DNAH9: variants seen among roughly 807,000 people sequenced by gnomAD.
The protein encoded by DNAH9 is dynein axonemal heavy chain 9.
DNAH9 carries 345 observed loss-of-function variants against 471.6 expected under a neutral mutation model. The ratio of observed to expected loss-of-function variants is 0.73; its 90% CI spans 0.67 to 0.80. The LOEUF (loss-of-function observed/expected upper bound fraction) is 0.80. Ranked by LOEUF, DNAH9 falls within the 30% of genes least tolerant of loss-of-function variation. The pLI is 0.00. For synonymous variants in DNAH9, 2,093 were observed against 2,123.6 expected (o/e 0.99, Z 0.40); for missense variants, 5,407 against 5,609.2 (o/e 0.96, Z 1.15).
In DNAH9 at chr17:11,883,714, G is replaced by C; in HGVS notation, c.10935G>C (p.Glu3645Asp). The C allele has an allele frequency of 6.2e-7, 1 of 1,614,134 alleles. No individual in the cohort carries two copies. Among genetic ancestry groups the C allele is most frequent in the Non-Finnish European group, 8.5e-7 (1 of 1,180,012 alleles). ...LGETVLVENL[E>D]ITKQTAAEVE... ...AAACAGTGCTGGTGGAAAACCTAGA[G>C]ATCACCAAGCAGACTGCTGCCGAAG... Residue 3645 changes from glutamate to aspartate, a missense_variant, in exon 56 of 69, where the codon GAG (glutamate) becomes GAC (aspartate). Glu to Asp is a conservative substitution (Grantham distance 45). Coordinates refer to ENST00000262442, the MANE Select transcript of DNAH9 (RefSeq NM_001372.4).
intron 57 of DNAH9, among the ~76,000 whole-genome samples, chr17:11,888,151 T>C (rs1390463222): frequency 6.6e-6 from 1 of 151,566 alleles, no homozygotes; most frequent in African/African-American, 2.4e-5. Context: ...CCTGGCTAAT[T>C]TTTTTTGTAT....
chr17:11,942,248 T>A, intron 66 of DNAH9, 55 bp from the exon 67 acceptor site: 2 of 1,576,448 alleles, frequency 1.3e-6, no homozygotes, highest in South Asian at 2.3e-5. Context: ...GGAAAATGGA[T>A]TCCTTCTGGA....
intron 35 of DNAH9, among the ~76,000 whole-genome samples, chr17:11,759,391 T>G (rs1223283998): frequency 6.6e-6 from 1 of 152,148 alleles, no homozygotes; most frequent in East Asian, 1.9e-4. Context: ...ACTATCCATT[T>G]TGCGGTCATT....
chr17:11,678,706 T>A (rs2150739140), intron 17 of DNAH9, among the ~76,000 whole-genome samples: 1 of 152,298 alleles, frequency 6.6e-6, no homozygotes, highest in Admixed American at 6.5e-5. Context: ...AGTGAAGTGT[T>A]TATATGAGGG....
chr17:11,762,770 G>GTTTTTTTTTTTTTTTTTTTTTTTTT lies in DNAH9; in HGVS notation c.6996-667_6996-643dup, dbSNP rs563544881. Among the ~76,000 whole-genome samples, 15 of 90,792 alleles carry GTTTTTTTTTTTTTTTTTTTTTTTTT rather than the reference G, an allele frequency of 1.7e-4. 1 individual carries two copies. The highest frequency in any genetic ancestry group is 7.2e-3 in the Middle Eastern group (1 of 138). 59.6% of individuals were successfully genotyped at this position (90,792 alleles called of 152,430 possible). A position where few individuals can be genotyped will look rare whatever the true frequency, so the allele number is the denominator to read the frequency against. ...CCTCTTTAGGTGCGTTTTTTTTTTTGTTTTTTTTTTTTTTTTTTTTTTTTT... is the reference window on the plus strand; with the variant it reads ...CCTCTTTAGGTGCGTTTTTTTTTTTGTTTTTTTTTTTTTTTTTTTTTTTTTTTTTTTTTTTTTTTTTTTTTTTTTT... On this transcript the variant is annotated intron_variant, in intron 35 of 68. Coordinates refer to ENST00000262442, the MANE Select transcript of DNAH9 (RefSeq NM_001372.4).
At chr17:11,639,814 C>G (rs995734183) in intron 9 of DNAH9, among the ~76,000 whole-genome samples, 5 of 152,158 alleles carry the variant, frequency 3.3e-5, no homozygotes, top group African/African-American at 7.2e-5. Context: ...CCAGCCTGAT[C>G]AATATGGTGA....
intron 31 of DNAH9, 152 bp downstream of exon 31, chr17:11,745,236 C>T (rs1173287527): frequency 2.9e-6 from 2 of 683,040 alleles, no homozygotes; most frequent in African/African-American, 3.6e-5. Context: ...CCACTCTTAA[C>T]TGGGGACCCA....
At chr17:11,656,328 T>C (rs2073646666) in intron 14 of DNAH9, among the ~76,000 whole-genome samples, 1 of 152,192 alleles carries the variant, frequency 6.6e-6, no homozygotes, top group Admixed American at 6.5e-5. Context: ...TGTTGAGAAT[T>C]TTTTCATATA....
chr17:11,617,364 G>A (rs764759266), intron 4 of DNAH9, 47 bp from the exon 5 acceptor site: 1 of 1,381,140 alleles, frequency 7.2e-7, no homozygotes, highest in South Asian at 1.2e-5. Context: ...CACCAGGTGG[G>A]TATTAGGCTC....
intron 57 of DNAH9, among the ~76,000 whole-genome samples, chr17:11,887,231 T>G (rs1972908166): frequency 6.6e-6 from 1 of 152,300 alleles, no homozygotes; most frequent in South Asian, 2.1e-4. Context: ...GCACACATGA[T>G]ACAGTAGGTA....
At chr17:11,820,427 A>C (rs1970267661) in intron 45 of DNAH9, among the ~76,000 whole-genome samples, 1 of 152,138 alleles carries the variant, frequency 6.6e-6, no homozygotes, top group South Asian at 2.1e-4. Flanking sequence ...AATAAGGTGT[A>C]GTTTTAATAT....
At chr17:11,828,552 A>C (rs59747609) in intron 48 of DNAH9, among the ~76,000 whole-genome samples, 87,734 of 151,074 alleles carry the variant, frequency 0.58, 25,603 homozygotes, top group Non-Finnish European at 0.6. Context: ...TGAATGAATA[A>C]CATTCTGTTT....
intron 30 of DNAH9, 85 bp from the exon 31 acceptor site, chr17:11,744,712 C>A: frequency 8.2e-7 from 1 of 1,218,098 alleles, no homozygotes; most frequent in Non-Finnish European, 1.2e-6. Context: ...ACCTAATGCT[C>A]ATAGCATATC....
chr17:11,685,335 C>T (rs544566032), intron 19 of DNAH9, among the ~76,000 whole-genome samples: 4 of 152,172 alleles, frequency 2.6e-5, no homozygotes, highest in Non-Finnish European at 5.9e-5. Flanking sequence ...ATGTAAGAAA[C>T]AGCTGGAAAA....
chr17:11,768,459 G>A lies in DNAH9; in HGVS notation c.7177G>A (p.Asp2393Asn), dbSNP rs376793638. 6.2e-7 allele frequency: 1 copy of A among 1,612,710 alleles called. No homozygotes were observed. Among genetic ancestry groups the A allele is most frequent in the East Asian group, 2.2e-5 (1 of 44,822 alleles). Residue 2393 changes from aspartate to asparagine, a missense_variant, in exon 37 of 69, where the codon GAC becomes AAC. By Grantham distance (23) the Asp-to-Asn change is conservative (BLOSUM62 1). This residue lies in a region of DNAH9 where 4,636 missense variants were observed against 4,900.3 expected (regional missense o/e 0.95). Coordinates refer to ENST00000262442, the MANE Select transcript of DNAH9 (RefSeq NM_001372.4). ...ACTGTCTTTGTTTTTGCAGCTTGTGGACTACCGGGCAGAGTTCAGCAAATG... is the reference window on the plus strand; with the variant it reads ...ACTGTCTTTGTTTTTGCAGCTTGTGAACTACCGGGCAGAGTTCAGCAAATG... ...GGAMVQDQLVDYRAEFSKWWL... is the reference protein window; with the variant it reads ...GGAMVQDQLVNYRAEFSKWWL...
At chr17:11,914,906 T>C (rs1973891729) in intron 61 of DNAH9, among the ~76,000 whole-genome samples, 1 of 152,180 alleles carries the variant, frequency 6.6e-6, no homozygotes, top group South Asian at 2.1e-4. Context: ...ATTTTTCTGT[T>C]ATATTTAGTA....
rs11655911 is a variant in DNAH9, at chr17:11,632,732, G to A, written c.1635+29G>A. Reference sequence around the variant, plus strand: ...TGTGTAAATGGGGCAGGAGCCACTCGGTCCTGGATACTCCCCCGGCCCTCA... The same window carrying A: ...TGTGTAAATGGGGCAGGAGCCACTCAGTCCTGGATACTCCCCCGGCCCTCA... On this transcript the variant is annotated intron_variant, in intron 8 of 68. Transcript: ENST00000262442. 0.22 allele frequency: 240,826 copies of A among 1,107,414 alleles called. 30,493 individuals carry two copies. Among genetic ancestry groups the A allele is most frequent in the Non-Finnish European group, 0.26 (186,823 of 718,780 alleles). The allele number at this position is 1,107,414 out of a possible 1,614,324, so 68.6% of individuals were successfully genotyped here.
intron 67 of DNAH9, among the ~76,000 whole-genome samples, chr17:11,954,919 CTTT>C (rs1324329708): frequency 1.3e-5 from 2 of 151,966 alleles, no homozygotes; most frequent in African/African-American, 4.8e-5. Flanking sequence ...CATCCAAAAT[CTTT>C]TTTTAAAAAT....
At chr17:11,736,548 C>G (rs1187596541) in intron 28 of DNAH9, among the ~76,000 whole-genome samples, 1 of 152,222 alleles carries the variant, frequency 6.6e-6, no homozygotes, top group Non-Finnish European at 1.5e-5. Context: ...ATCAAGGCCT[C>G]TTGGACCCTG....
Sources: gnomAD v4.1 joint callset for allele counts (sites outside exome capture counted in the v4.1 genomes callset) on GRCh38, gnomAD v4.1.1 for gene constraint, gnomAD v4.1.1 regional missense constraint, MANE v1.5 for transcripts, NCBI Gene and HGNC (gene_info 2026-07-23, HGNC 2026-07-21) for gene names.